TEKT5: variants seen among roughly 807,000 people sequenced by gnomAD.
The protein encoded by TEKT5 is tektin-5.
In TEKT5, 52 loss-of-function variants were observed where a neutral mutation model predicts 48.7. That is an observed-to-expected ratio of 1.07 (90% CI 0.86 to 1.35). TEKT5 has a LOEUF of 1.35. Among genes scored for constraint, TEKT5 ranks in the 40% most tolerant of loss-of-function variants. TEKT5 has a pLI of 0.00. For synonymous variants in TEKT5, 318 were observed against 267.6 expected, an observed-to-expected ratio of 1.19 and a Z score of -1.84; for missense variants, 831 against 641.6, an observed-to-expected ratio of 1.30 and a Z score of -3.19.
chr16:10,658,405 C>A (rs897386825), intron 5 of TEKT5, among the ~76,000 whole-genome samples: 2 of 152,290 alleles, frequency 1.3e-5, no homozygotes, highest in African/African-American at 2.4e-5. Flanking sequence ...CACTATCCAG[C>A]GGTAAAAAAC....
chr16:10,680,240 G>A (rs1421196053), intron 4 of TEKT5, among the ~76,000 whole-genome samples: 2 of 152,232 alleles, frequency 1.3e-5, no homozygotes, highest in Non-Finnish European at 1.5e-5. Flanking sequence ...ATTACCAGAA[G>A]TCCCAAAGGG....
intron 5 of TEKT5, among the ~76,000 whole-genome samples, chr16:10,670,632 C>T (rs1416006698): frequency 1.3e-5 from 2 of 152,132 alleles, no homozygotes; most frequent in African/African-American, 4.8e-5. Flanking sequence ...TTTAGAATAA[C>T]ACCATGTGAA....
At chr16:10,664,690 C>A (rs1442418486) in intron 5 of TEKT5, among the ~76,000 whole-genome samples, 1 of 152,200 alleles carries the variant, frequency 6.6e-6, no homozygotes, top group Non-Finnish European at 1.5e-5. Flanking sequence ...TTCCTCACAG[C>A]TGGTAGGATT....
chr16:10,656,051 T>C (rs1467637639), intron 5 of TEKT5, among the ~76,000 whole-genome samples: 2 of 152,210 alleles, frequency 1.3e-5, no homozygotes, highest in Non-Finnish European at 2.9e-5. Context: ...ACTGACATTT[T>C]GATAGACTCT....
At position 10,648,300 on chromosome 16, in the gene TEKT5, C is replaced by T. The variant is rs557210888; in HGVS notation, c.1087-12382G>A. Among the ~76,000 whole-genome samples the T allele has an allele frequency of 3.3e-5, 5 of 152,174 alleles. No individual in the cohort carries two copies. In the South Asian group the frequency reaches 8.3e-4, roughly 25 times the overall value. On this transcript the variant is annotated intron_variant, in intron 5 of 6. Transcript: ENST00000283025. ...CTATGCAGAAGGTTCTAGCAACATT[C>T]CCTGGCTTTTATTTTTATTTATCAT...
At chr16:10,636,032 C>T (rs539819641) in intron 5 of TEKT5, 114 bp from the exon 6 acceptor site, 1,048 of 1,480,598 alleles carry the variant, frequency 7.1e-4, no homozygotes, top group Non-Finnish European at 8.7e-4. Context: ...ACTTAAGATA[C>T]TCCTTCCCCG....
chr16:10,636,103 G>T (rs571725046), intron 5 of TEKT5, among the ~76,000 whole-genome samples, 185 bp from the exon 6 acceptor site: 1 of 151,718 alleles, frequency 6.6e-6, no homozygotes, highest in East Asian at 1.9e-4. Context: ...GGCTGGGCGC[G>T]GTGGCTCATG....
At chr16:10,648,323 CA>C (rs146365148) in intron 5 of TEKT5, among the ~76,000 whole-genome samples, 5 of 150,956 alleles carry the variant, frequency 3.3e-5, no homozygotes, top group African/African-American at 4.9e-5. Flanking sequence ...TTTTATTTAT[CA>C]TTTTTTTTTT....
At chr16:10,667,924 C>A (rs1038513065) in intron 5 of TEKT5, among the ~76,000 whole-genome samples, 2 of 151,426 alleles carry the variant, frequency 1.3e-5, no homozygotes, top group East Asian at 3.9e-4. Context: ...GTCGCCCAGG[C>A]TGGAGTGCAG....
chr16:10,677,846 G>C (rs148495283), intron 4 of TEKT5, among the ~76,000 whole-genome samples: 1 of 152,166 alleles, frequency 6.6e-6, no homozygotes, highest in African/African-American at 2.4e-5. Context: ...AAAGGACAGA[G>C]AGCCCAGGAG....
chr16:10,636,137 G>T (rs966435497), intron 5 of TEKT5, among the ~76,000 whole-genome samples: 1 of 152,198 alleles, frequency 6.6e-6, no homozygotes, highest in Admixed American at 6.5e-5. Flanking sequence ...CACTTTGGGA[G>T]GCCGAGATGG....
At chr16:10,692,815 T>G (rs1238022946) in intron 1 of TEKT5, 1 of 152,182 alleles carries the variant, frequency 6.6e-6, no homozygotes, top group African/African-American at 2.4e-5. Context: ...CAAAACCTCC[T>G]TGGGAACAGG....
At chr16:10,632,506 G>A (rs368718140) in intron 6 of TEKT5, among the ~76,000 whole-genome samples, 1 of 152,026 alleles carries the variant, frequency 6.6e-6, no homozygotes, top group South Asian at 2.1e-4. Flanking sequence ...ATGTTGTCCA[G>A]GCTCATCTCG....
chr16:10,634,960 A>T (rs1397037139), intron 6 of TEKT5, among the ~76,000 whole-genome samples: 5 of 152,096 alleles, frequency 3.3e-5, no homozygotes, highest in African/African-American at 9.7e-5. Flanking sequence ...TTCCTAACCC[A>T]CGGAAACTGA....
chr16:10,691,539 G>C (rs1012499145), intron 1 of TEKT5: 1 of 152,670 alleles, frequency 6.6e-6, no homozygotes, highest in Non-Finnish European at 1.5e-5. Context: ...AAGGCCCTGA[G>C]GTCAGCAGAG....
At chr16:10,665,909 AG>A (rs989042629) in intron 5 of TEKT5, among the ~76,000 whole-genome samples, 4 of 152,188 alleles carry the variant, frequency 2.6e-5, no homozygotes, top group African/African-American at 9.6e-5. Flanking sequence ...AGCCTCTGAA[AG>A]CCACATTCAC....
chr16:10,662,533 C>T (rs1898391364), intron 5 of TEKT5, among the ~76,000 whole-genome samples: 1 of 152,238 alleles, frequency 6.6e-6, no homozygotes. Flanking sequence ...GCCCCGGCAC[C>T]ACCACCCTAT....
intron 5 of TEKT5, among the ~76,000 whole-genome samples, chr16:10,654,944 ACCCC>A (rs796414949): frequency 1.5e-5 from 1 of 67,242 alleles, no homozygotes; most frequent in South Asian, 7.2e-4. Flanking sequence ...CCCCTCCCCC[ACCCC>A]CCCCCCCCAG....
intron 5 of TEKT5, among the ~76,000 whole-genome samples, chr16:10,660,070 A>T (rs1454052420): frequency 6.6e-6 from 1 of 152,214 alleles, no homozygotes; most frequent in South Asian, 2.1e-4. Flanking sequence ...TTCCCTGGAT[A>T]TCACAGGCAA....
Sources: allele counts gnomAD v4.1 joint callset (sites outside exome capture counted in the v4.1 genomes callset), GRCh38; gene constraint gnomAD v4.1.1; transcripts MANE v1.5; gene names NCBI Gene and HGNC (gene_info 2026-07-23, HGNC 2026-07-21).